Variants in HTR7 observed in about 807,000 individuals in gnomAD.
HTR7 encodes 5-HT-7.
In HTR7, 16 loss-of-function variants were observed where a neutral mutation model predicts 34.0. The ratio of observed to expected loss-of-function variants is 0.47; its 90% CI spans 0.32 to 0.71. The LOEUF (loss-of-function observed/expected upper bound fraction) is 0.71. Among genes scored for constraint, HTR7 ranks in the 30% least tolerant of loss-of-function variants. The pLI, the probability that HTR7 is intolerant of heterozygous loss-of-function variation, is 0.04. For missense variants in HTR7, 504 were observed against 625.5 expected (o/e 0.81, Z 2.07); for synonymous variants, 265 against 260.2 (o/e 1.02, Z -0.18).
chr10:90,832,684 G>A (rs76545241), intron 1 of HTR7, among the ~76,000 whole-genome samples: 2 of 152,220 alleles, frequency 1.3e-5, no homozygotes, highest in African/African-American at 2.4e-5. Context: ...CCGAGGCCAA[G>A]GAGGCACCGA....
At chr10:90,852,202 T>TA (rs60371298) in intron 1 of HTR7, among the ~76,000 whole-genome samples, 2,552 of 135,202 alleles carry the variant, frequency 0.019, 64 homozygotes, top group African/African-American at 0.046. Context: ...TTATGTGAAG[T>TA]AAAAAAAAAA....
intron 1 of HTR7, among the ~76,000 whole-genome samples, chr10:90,819,954 A>C (rs2120004966): frequency 6.6e-6 from 1 of 152,330 alleles, no homozygotes; most frequent in Non-Finnish European, 1.5e-5. Context: ...ATACAGAATG[A>C]CAAAAAGCTA....
At chr10:90,832,950 A>T (rs1395560523) in intron 1 of HTR7, among the ~76,000 whole-genome samples, 1 of 152,180 alleles carries the variant, frequency 6.6e-6, no homozygotes, top group African/African-American at 2.4e-5. Flanking sequence ...TCCCTCTGAT[A>T]TCCTTCCCTG....
rs1485366567 is a variant in HTR7, at chr10:90,757,796, AAG to A, written c.540-8204_540-8203del. Among the ~76,000 whole-genome samples the A allele has an allele frequency of 2.0e-5, 3 of 152,334 alleles. No individual in the cohort carries two copies. In the East Asian group the frequency reaches 5.8e-4, roughly 29 times the overall value. The stretch of plus-strand genomic sequence containing the variant: ...CAACAATGAAAGGAAAAAAGAAAGA[AAG>A]AGAACATGGCTAAGACTTGAAGAAC... On this transcript the variant is annotated intron_variant, in intron 1 of 3. Coordinates refer to ENST00000336152, the MANE Select transcript of HTR7 (RefSeq NM_019859.4).
At chr10:90,796,039 G>T (rs1376344197) in intron 1 of HTR7, among the ~76,000 whole-genome samples, 1 of 152,186 alleles carries the variant, frequency 6.6e-6, no homozygotes, top group African/African-American at 2.4e-5. Context: ...TTTCTAATCA[G>T]ACTTATTATC....
At chr10:90,767,039 C>T (rs902287815) in intron 1 of HTR7, among the ~76,000 whole-genome samples, 11 of 152,000 alleles carry the variant, frequency 7.2e-5, no homozygotes, top group African/African-American at 1.4e-4. Context: ...CCTGGTCTGG[C>T]GGGGCTACTA....
At chr10:90,757,230 G>A (rs186653841) in intron 1 of HTR7, among the ~76,000 whole-genome samples, 144 of 152,322 alleles carry the variant, frequency 9.5e-4, no homozygotes, top group African/African-American at 3.3e-3. Context: ...GAAACAGGGT[G>A]AGTAAATCCT....
chr10:90,750,709 C>CA (rs1195850616), intron 1 of HTR7, among the ~76,000 whole-genome samples: 6 of 152,124 alleles, frequency 3.9e-5, no homozygotes, highest in Admixed American at 6.6e-5. Context: ...GGTTAGAACT[C>CA]AAAAAACAAT....
chr10:90,742,338 G>T lies in HTR7; in HGVS notation c.*144C>A. 1 of 625,212 alleles carries T rather than the reference G, an allele frequency of 1.6e-6. No homozygotes were observed. Among genetic ancestry groups the T allele is most frequent in the Non-Finnish European group, 2.8e-6 (1 of 354,584 alleles). 38.7% of individuals were successfully genotyped at this position (625,212 alleles called of 1,614,324 possible). On this transcript the variant is annotated 3_prime_UTR_variant, in exon 4 of 4. Transcript: ENST00000336152. ...CACCATCTCCCTCATAAGATAGTGT[G>T]TACAACAGATCACCCTGTTTGTCAT...
At chr10:90,745,726 G>A (rs1844622544) in intron 2 of HTR7, among the ~76,000 whole-genome samples, 1 of 152,212 alleles carries the variant, frequency 6.6e-6, no homozygotes, top group Non-Finnish European at 1.5e-5. Context: ...ACTATGGCCT[G>A]TTGGCCAAAT....
intron 1 of HTR7, among the ~76,000 whole-genome samples, chr10:90,774,030 C>G (rs1288083883): frequency 2.0e-5 from 3 of 152,008 alleles, no homozygotes; most frequent in Non-Finnish European, 4.4e-5. Context: ...ATCCTCTGTT[C>G]AGTTAGGTCC....
At chr10:90,838,777 C>T (rs920777642) in intron 1 of HTR7, among the ~76,000 whole-genome samples, 3 of 152,194 alleles carry the variant, frequency 2.0e-5, no homozygotes, top group African/African-American at 7.2e-5. Context: ...ACACAGCTGG[C>T]TCCTTCATGT....
intron 1 of HTR7, among the ~76,000 whole-genome samples, chr10:90,766,924 C>T (rs370722624): frequency 1.1e-4 from 16 of 152,356 alleles, no homozygotes; most frequent in African/African-American, 3.8e-4. Context: ...ACAGACAGAG[C>T]TTCCTGTTGC....
At chr10:90,777,723 T>C (rs990907930) in intron 1 of HTR7, among the ~76,000 whole-genome samples, 2 of 152,186 alleles carry the variant, frequency 1.3e-5, no homozygotes, top group South Asian at 2.1e-4. Flanking sequence ...ACTGAAAGCA[T>C]TGCTATCCTA....
At chr10:90,822,735 G>A (rs762564575) in intron 1 of HTR7, among the ~76,000 whole-genome samples, 18 of 152,358 alleles carry the variant, frequency 1.2e-4, no homozygotes, top group South Asian at 6.2e-4. Flanking sequence ...CAGGCCTGGA[G>A]GCTGGGAGGG....
chr10:90,846,704 C>T (rs1242790800), intron 1 of HTR7, among the ~76,000 whole-genome samples: 1 of 152,224 alleles, frequency 6.6e-6, no homozygotes, highest in Non-Finnish European at 1.5e-5. Flanking sequence ...AAACATAATA[C>T]TTCTACTAAC....
At chr10:90,808,323 G>A (rs1215870491) in intron 1 of HTR7, among the ~76,000 whole-genome samples, 4 of 151,948 alleles carry the variant, frequency 2.6e-5, no homozygotes, top group Non-Finnish European at 4.4e-5. Flanking sequence ...TCTAGAGGAG[G>A]GGCAAGTACC....
Position 90,858,015 on chromosome 10 carries a change from G to C in HTR7, c.-344C>G, listed in dbSNP as rs1286918927. 6.7e-6 allele frequency among the ~76,000 whole-genome samples: 1 copy of C among 149,492 alleles called. No homozygotes were observed. The highest frequency in any genetic ancestry group is 2.4e-5 in the African/African-American group (1 of 41,044). ...TCGGCTGCGCCGAGAGCGCCCGGGC[G>C]GCAGCGGCAGAAGTTGCGGAGTGCG... On this transcript the variant is annotated 5_prime_UTR_variant, in exon 1 of 4. Coordinates refer to ENST00000336152, the MANE Select transcript of HTR7 (RefSeq NM_019859.4).
intron 1 of HTR7, among the ~76,000 whole-genome samples, chr10:90,751,175 T>G: frequency 6.6e-6 from 1 of 152,110 alleles, no homozygotes; most frequent in Non-Finnish European, 1.5e-5. Flanking sequence ...GTTAGGATTA[T>G]GATGTGGCTC....
Sources: allele counts gnomAD v4.1 joint callset (sites outside exome capture counted in the v4.1 genomes callset), GRCh38; gene constraint gnomAD v4.1.1; transcripts MANE v1.5; gene names NCBI Gene and HGNC (gene_info 2026-07-23, HGNC 2026-07-21).